EREG: variants seen among roughly 807,000 people sequenced by gnomAD.
EREG encodes epiregulin, also known as proepiregulin.
A neutral mutation model predicts 22.4 loss-of-function variants in EREG; 23 were observed. The observed-to-expected ratio is 1.03, with a 90% CI of 0.74 to 1.46. The LOEUF (loss-of-function observed/expected upper bound fraction) is 1.46. EREG is among the 40% of genes most tolerant of loss of function. The pLI is 0.00. For synonymous variants in EREG, 100 were observed against 75.4 expected, an observed-to-expected ratio of 1.33 and a Z score of -1.69; for missense variants, 226 against 205.9, an observed-to-expected ratio of 1.10 and a Z score of -0.60.
At chr4:74,380,198 C>G (rs146147993) in intron 2 of EREG, among the ~76,000 whole-genome samples, 151 of 152,008 alleles carry the variant, frequency 9.9e-4, no homozygotes, top group Non-Finnish European at 1.8e-3. Flanking sequence ...TATCTTTTGT[C>G]CCTCACCATC....
chr4:74,387,370 A>T lies in EREG; in HGVS notation c.*2562A>T, dbSNP rs1394252108. On this transcript the variant is annotated 3_prime_UTR_variant, in exon 5 of 5. Coordinates refer to ENST00000244869, the MANE Select transcript of EREG (RefSeq NM_001432.3). ...CTTTTCAATAAATCAGCTGCAATCC[A>T]TTTATTTCATTTACAAAAGATTTAT... The T allele has an allele frequency of 6.6e-6, 1 of 152,112 alleles. No homozygotes were observed. The highest frequency in any genetic ancestry group is 1.5e-5 in the Non-Finnish European group (1 of 68,024). The allele number at this position is 152,112 out of a possible 1,614,324, so 9.4% of individuals were successfully genotyped here. A position where few individuals can be genotyped will look rare whatever the true frequency, so the allele number is the denominator to read the frequency against.
At chr4:74,371,654 T>C (rs996313504) in intron 1 of EREG, among the ~76,000 whole-genome samples, 2 of 152,180 alleles carry the variant, frequency 1.3e-5, no homozygotes, top group African/African-American at 4.8e-5. Flanking sequence ...TCATATGACT[T>C]TCAAATAGAC....
At chr4:74,372,280 T>C (rs546328207) in intron 1 of EREG, among the ~76,000 whole-genome samples, 1 of 152,366 alleles carries the variant, frequency 6.6e-6, no homozygotes, top group South Asian at 2.1e-4. Flanking sequence ...ATGTGGGTTC[T>C]CTGAATAAAA....
At chr4:74,384,110 G>A (rs201710009) in intron 4 of EREG, among the ~76,000 whole-genome samples, 3 of 152,076 alleles carry the variant, frequency 2.0e-5, no homozygotes, top group South Asian at 2.1e-4. Context: ...TCTAAATTAT[G>A]ATAAATCTAT....
rs1260799156 is a variant in EREG at position 74,381,003 on chromosome 4, T to C, written c.155-11T>C. The C allele has an allele frequency of 2.5e-6, 4 of 1,610,150 alleles. No individual in the cohort carries two copies. Among genetic ancestry groups the C allele is most frequent in the Non-Finnish European group, 3.4e-6 (4 of 1,178,608 alleles). ...CTGCAGAATATATTCAACTTTCCACTTCTTTTACAGTTCAGACAGAAGACA... is the reference window on the plus strand; with the variant it reads ...CTGCAGAATATATTCAACTTTCCACCTCTTTTACAGTTCAGACAGAAGACA... On this transcript the variant is annotated splice_polypyrimidine_tract_variant and intron_variant, in intron 2 of 4. Transcript: ENST00000244869.
In EREG at chr4:74,370,639, TAGAG is replaced by T. The variant is rs146474134; in HGVS notation, c.67+5274_67+5277del. Among the ~76,000 whole-genome samples the T allele has an allele frequency of 9.3e-5, 14 of 150,920 alleles. No homozygotes were observed. The South Asian group carries it at 1.3e-3, about 14-fold the overall frequency. On this transcript the variant is annotated intron_variant, in intron 1 of 4. Coordinates refer to ENST00000244869, the MANE Select transcript of EREG (RefSeq NM_001432.3). Reference sequence around the variant, plus strand: ...TGTGTGTGTGTGTGAGAGAGAGAGATAGAGAGAGAGAGACAGAAAGAGAGGAAGA... The same window carrying T: ...TGTGTGTGTGTGTGAGAGAGAGAGATAGAGAGAGACAGAAAGAGAGGAAGA...
chr4:74,366,453 CA>C (rs1052652424), intron 1 of EREG, among the ~76,000 whole-genome samples: 9 of 152,098 alleles, frequency 5.9e-5, no homozygotes, highest in African/African-American at 1.9e-4. Context: ...TCCAGGAACA[CA>C]AGTGGAAACT....
chr4:74,365,627 A>ATCT (rs1752165361), intron 1 of EREG, among the ~76,000 whole-genome samples: 1 of 149,816 alleles, frequency 6.7e-6, no homozygotes, highest in African/African-American at 2.5e-5. Context: ...GGATTGAAAT[A>ATCT]TCTCCTTATT....
intron 1 of EREG, among the ~76,000 whole-genome samples, chr4:74,371,798 G>C (rs147390044): frequency 1.7e-4 from 25 of 150,878 alleles, no homozygotes; most frequent in Non-Finnish European, 3.2e-4. Context: ...ATGCCCAAAT[G>C]CCACCACAAG....
chr4:74,372,974 ATTTTTTTTTTTTTT>A (rs35483998), intron 1 of EREG, among the ~76,000 whole-genome samples: 1 of 63,148 alleles, frequency 1.6e-5, no homozygotes, highest in African/African-American at 6.7e-5. Flanking sequence ...CATCTGGCTA[ATTTTTTTTTTTTTT>A]TTTTTTTTTT....
At position 74,381,136 on chromosome 4, in the gene EREG, A is replaced by C. The variant is rs1254055718; in HGVS notation, c.277A>C (p.Arg93=). ...YLVDMSQNYC[R]CEVGYTGVRC... ...GGTGGACATGAGTCAAAACTACTGCAGGTAATATGTCAGAAATAAACAAAC... is the reference window on the plus strand; with the variant it reads ...GGTGGACATGAGTCAAAACTACTGCCGGTAATATGTCAGAAATAAACAAAC... Residue 93 remains arginine (R), a splice_region_variant and synonymous_variant, in exon 3 of 5, where the codon AGG becomes CGG. Coordinates refer to ENST00000244869, the MANE Select transcript of EREG (RefSeq NM_001432.3). 5.0e-6 allele frequency: 8 copies of C among 1,609,476 alleles called. No individual in the cohort carries two copies. The highest frequency in any genetic ancestry group is 6.8e-6 in the Non-Finnish European group (8 of 1,178,664).
In EREG at chr4:74,382,777, A is replaced by T. The variant is rs760768017; in HGVS notation, c.411A>T (p.Thr137=). The T allele has an allele frequency of 3.7e-6, 6 of 1,612,894 alleles. No homozygotes were observed. Among genetic ancestry groups the T allele is most frequent in the Non-Finnish European group, 5.1e-6 (6 of 1,179,548 alleles). The change falls in exon 4 of 5, where the codon ACA becomes ACT. Residue 137 remains threonine (T), a synonymous_variant. Transcript: ENST00000244869. ...ILFLITVVGS[T]YYFCRWYRNR... ...TTCTTATCACAGTCGTCGGTTCCAC[A>T]TATTATTTCTGCAGATGGTAAGTCA...
Position 74,365,222 on chromosome 4 carries a change from A to T in EREG, c.-87A>T. ...CTAGGCTGACAGCCGCTCTCCAGCCACTGCCGCGAGCCCGTCTGCTCCCGC... is the reference window on the plus strand; with the variant it reads ...CTAGGCTGACAGCCGCTCTCCAGCCTCTGCCGCGAGCCCGTCTGCTCCCGC... On this transcript the variant is annotated 5_prime_UTR_variant, in exon 1 of 5. Transcript: ENST00000244869. The T allele has an allele frequency of 1.9e-6, 2 of 1,056,726 alleles. No individual in the cohort carries two copies. The highest frequency in any genetic ancestry group is 2.8e-6 in the Non-Finnish European group (2 of 702,596). 65.5% of individuals were successfully genotyped at this position (1,056,726 alleles called of 1,614,324 possible).
intron 1 of EREG, among the ~76,000 whole-genome samples, chr4:74,371,592 G>A (rs539126903): frequency 6.1e-4 from 93 of 152,060 alleles, no homozygotes; most frequent in African/African-American, 2.2e-3. Flanking sequence ...AGTTCATACT[G>A]TTTTCCTTGG....
intron 1 of EREG, among the ~76,000 whole-genome samples, chr4:74,374,914 A>G (rs904687157): frequency 6.6e-6 from 1 of 152,228 alleles, no homozygotes; most frequent in African/African-American, 2.4e-5. Context: ...TGATAGAAAC[A>G]ATGACCTCTG....
chr4:74,367,497 G>C (rs529282174), intron 1 of EREG, among the ~76,000 whole-genome samples: 1 of 152,240 alleles, frequency 6.6e-6, no homozygotes, highest in East Asian at 1.9e-4. Flanking sequence ...ATGTTCAGGG[G>C]CTTTCTATTT....
In EREG at chr4:74,384,949, T is replaced by C. The variant is rs1019220844; in HGVS notation, c.*141T>C. On this transcript the variant is annotated 3_prime_UTR_variant, in exon 5 of 5. Coordinates refer to ENST00000244869, the MANE Select transcript of EREG (RefSeq NM_001432.3). The stretch of plus-strand genomic sequence containing the variant: ...TAATGTACTTGAAAAATGTTTTTAT[T>C]TTTGTTTTATTTTTGACAGACTATT... The C allele has an allele frequency of 4.0e-6, 2 of 497,644 alleles. No individual in the cohort carries two copies. Among genetic ancestry groups the C allele is most frequent in the Non-Finnish European group, 7.2e-6 (2 of 275,948 alleles). The allele number at this position is 497,644 out of a possible 1,614,324, so 30.8% of individuals were successfully genotyped here.
At chr4:74,373,653 A>ATGTATATACG (rs1553930109) in intron 1 of EREG, among the ~76,000 whole-genome samples, 2 of 146,434 alleles carry the variant, frequency 1.4e-5, no homozygotes, top group African/African-American at 5.0e-5. Flanking sequence ...TAAGTAATAT[A>ATGTATATACG]TGTATATATG....
intron 1 of EREG, among the ~76,000 whole-genome samples, chr4:74,374,495 C>T (rs1752345134): frequency 6.6e-6 from 1 of 152,166 alleles, no homozygotes; most frequent in African/African-American, 2.4e-5. Context: ...AGTGATTGCA[C>T]CACTGCACTC....
Sources: allele counts gnomAD v4.1 joint callset (sites outside exome capture counted in the v4.1 genomes callset), GRCh38; gene constraint gnomAD v4.1.1; transcripts MANE v1.5; gene names NCBI Gene and HGNC (gene_info 2026-07-23, HGNC 2026-07-21).